SYNPR: variants seen among roughly 807,000 people sequenced by gnomAD.
SYNPR encodes the protein synaptoporin.
Under a neutral mutation model 32.9 loss-of-function variants are expected in SYNPR, and 23 were observed. The observed-to-expected ratio is 0.70, with a 90% CI of 0.50 to 0.99. The LOEUF is 0.99. SYNPR is among the 50% of genes least tolerant of loss of function. SYNPR has a pLI of 0.00. For synonymous variants in SYNPR, 146 were observed against 135.9 expected, an observed-to-expected ratio of 1.07 and a Z score of -0.52; for missense variants, 318 against 349.3, an observed-to-expected ratio of 0.91 and a Z score of 0.71.
chr3:63,483,804 T>C (rs1373130373), intron 3 of SYNPR, among the ~76,000 whole-genome samples: 1 of 152,192 alleles, frequency 6.6e-6, no homozygotes, highest in Non-Finnish European at 1.5e-5. Flanking sequence ...CAATTTGAAG[T>C]AGGAGATTAT....
At chr3:63,360,892 G>A (rs527971728) in intron 2 of SYNPR, among the ~76,000 whole-genome samples, 2 of 152,224 alleles carry the variant, frequency 1.3e-5, no homozygotes, top group Admixed American at 1.3e-4. Flanking sequence ...CACCCATGAT[G>A]TGTGTGTGTT....
chr3:63,232,458 C>T (rs972060411), intron 1 of SYNPR, among the ~76,000 whole-genome samples: 2 of 152,224 alleles, frequency 1.3e-5, no homozygotes, highest in Middle Eastern at 6.8e-3. Flanking sequence ...CTTCCTTGGC[C>T]TCCCAAAGTG....
chr3:63,554,458 G>A (rs766979439), intron 3 of SYNPR, among the ~76,000 whole-genome samples: 3 of 152,160 alleles, frequency 2.0e-5, no homozygotes, highest in Non-Finnish European at 4.4e-5. Flanking sequence ...ACCATGTACT[G>A]AGTAGGGAGT....
At chr3:63,327,025 CACTTT>C (rs984206983) in intron 2 of SYNPR, among the ~76,000 whole-genome samples, 2 of 151,548 alleles carry the variant, frequency 1.3e-5, no homozygotes, top group African/African-American at 4.9e-5. Context: ...GAACCACTGA[CACTTT>C]ACTTTTAGAT....
rs369607866 is a variant in SYNPR at position 63,373,348 on chromosome 3, A to T, written c.84+94606A>T. 6.6e-5 allele frequency among the ~76,000 whole-genome samples: 10 copies of T among 152,318 alleles called. No homozygotes were observed. In the East Asian group the frequency reaches 1.9e-3, roughly 29 times the overall value. ...AAGGATTACAATAAAATGATATAAA[A>T]GCTGATAGACAAAACAGCCATCATA... On this transcript the variant is annotated intron_variant, in intron 2 of 5. Transcript: ENST00000478300.
chr3:63,455,610 G>A (rs1006781284), intron 2 of SYNPR, among the ~76,000 whole-genome samples: 1 of 152,050 alleles, frequency 6.6e-6, no homozygotes, highest in African/African-American at 2.4e-5. Context: ...TAACGTATGT[G>A]GCTCCAAAGT....
At chr3:63,478,235 T>C (rs1700974582) in intron 2 of SYNPR, among the ~76,000 whole-genome samples, 1 of 152,230 alleles carries the variant, frequency 6.6e-6, no homozygotes, top group Non-Finnish European at 1.5e-5. Flanking sequence ...TATTATATGA[T>C]GGTATTAATA....
intron 3 of SYNPR, among the ~76,000 whole-genome samples, chr3:63,510,934 T>TGTGC (rs368216996): frequency 3.6e-4 from 23 of 63,996 alleles, no homozygotes; most frequent in African/African-American, 1.0e-3. Flanking sequence ...TGTGTGTGTG[T>TGTGC]GCGCGCACGT....
At chr3:63,477,120 G>A (rs1700942814) in intron 2 of SYNPR, among the ~76,000 whole-genome samples, 2 of 152,150 alleles carry the variant, frequency 1.3e-5, no homozygotes, top group Non-Finnish European at 2.9e-5. Context: ...AGGAGGAATG[G>A]TTGGGCGAGT....
At chr3:63,453,106 G>T (rs1000509624) in intron 2 of SYNPR, among the ~76,000 whole-genome samples, 1 of 152,096 alleles carries the variant, frequency 6.6e-6, no homozygotes. Context: ...TGGAATCTAC[G>T]TTTTAATGAT....
chr3:63,524,821 A>T (rs1179243467), intron 3 of SYNPR, among the ~76,000 whole-genome samples: 1 of 148,184 alleles, frequency 6.7e-6, no homozygotes, highest in Non-Finnish European at 1.5e-5. Context: ...GCATCATAAT[A>T]GAAGTGTGTG....
At chr3:63,436,777 C>T (rs1700092031) in intron 2 of SYNPR, among the ~76,000 whole-genome samples, 1 of 152,168 alleles carries the variant, frequency 6.6e-6, no homozygotes, top group Admixed American at 6.5e-5. Flanking sequence ...TCTTTATTTG[C>T]CTCAAGCCAT....
chr3:63,238,539 G>A (rs1329433488), intron 1 of SYNPR, among the ~76,000 whole-genome samples: 3 of 152,070 alleles, frequency 2.0e-5, no homozygotes, highest in Non-Finnish European at 2.9e-5. Context: ...TAGTGGTAGG[G>A]AATGCAGAAA....
At chr3:63,432,670 G>A (rs1700014820) in intron 2 of SYNPR, among the ~76,000 whole-genome samples, 1 of 152,166 alleles carries the variant, frequency 6.6e-6, no homozygotes, top group Non-Finnish European at 1.5e-5. Flanking sequence ...AAAGAGGTAG[G>A]AGAGGGAGAG....
chr3:63,472,280 A>G (rs1700816470), intron 2 of SYNPR, among the ~76,000 whole-genome samples: 1 of 152,184 alleles, frequency 6.6e-6, no homozygotes, highest in Admixed American at 6.5e-5. Context: ...GACACTTTAG[A>G]GAAAGGCAGA....
At chr3:63,604,347 G>T (rs1038722863) in intron 4 of SYNPR, among the ~76,000 whole-genome samples, 2 of 152,058 alleles carry the variant, frequency 1.3e-5, no homozygotes, top group Admixed American at 6.6e-5. Context: ...ATTTCCTTCA[G>T]TTCAGCTCTG....
chr3:63,413,378 A>G (rs1468858839), intron 2 of SYNPR, among the ~76,000 whole-genome samples: 1 of 152,196 alleles, frequency 6.6e-6, no homozygotes, highest in Non-Finnish European at 1.5e-5. Context: ...CTATTAACGT[A>G]AAAGTTAAGA....
intron 4 of SYNPR, among the ~76,000 whole-genome samples, chr3:63,595,773 T>G (rs1395381852): frequency 2.0e-5 from 1 of 50,586 alleles, no homozygotes; most frequent in African/African-American, 9.6e-5. Flanking sequence ...ATATATAATT[T>G]TATATATATA....
At chr3:63,447,606 C>T (rs1226831035) in intron 2 of SYNPR, among the ~76,000 whole-genome samples, 1 of 151,640 alleles carries the variant, frequency 6.6e-6, no homozygotes, top group Non-Finnish European at 1.5e-5. Flanking sequence ...GCACATGAAG[C>T]ACTAAATCTT....
Sources: gnomAD v4.1 joint callset for allele counts (sites outside exome capture counted in the v4.1 genomes callset) on GRCh38, gnomAD v4.1.1 for gene constraint, MANE v1.5 for transcripts, NCBI Gene and HGNC (gene_info 2026-07-23, HGNC 2026-07-21) for gene names.